CCDC80: variants seen among roughly 807,000 people sequenced by gnomAD.
CCDC80 encodes coiled-coil domain-containing protein 80.
Under a neutral mutation model 78.7 loss-of-function variants are expected in CCDC80, and 49 were observed. The ratio of observed to expected loss-of-function variants is 0.62; its 90% CI spans 0.50 to 0.79. The LOEUF (loss-of-function observed/expected upper bound fraction) is 0.79. Among genes scored for constraint, CCDC80 ranks in the 30% least tolerant of loss-of-function variants. The pLI is 0.00. For synonymous variants in CCDC80, 488 were observed against 447.0 expected (o/e 1.09, Z -1.16); for missense variants, 1,205 against 1,198.6 (o/e 1.01, Z -0.08).
intron 2 of CCDC80, among the ~76,000 whole-genome samples, chr3:112,633,378 A>T (rs1261202723): frequency 6.6e-6 from 1 of 152,128 alleles, no homozygotes; most frequent in Non-Finnish European, 1.5e-5. Flanking sequence ...CTTTTCTAGC[A>T]TGCAGGGATC....
Position 112,601,955 on chromosome 3 carries a change from C to T in CCDC80, c.*3462G>A, listed in dbSNP as rs1445495922. On this transcript the variant is annotated 3_prime_UTR_variant, in exon 8 of 8. Coordinates refer to ENST00000206423, the MANE Select transcript of CCDC80 (RefSeq NM_199511.3). Reference sequence around the variant, plus strand: ...AGGTCCATTAGCAAGTAAGTACAGGCACATCTTATTTTATTATACTTCTCA... The same window carrying T: ...AGGTCCATTAGCAAGTAAGTACAGGTACATCTTATTTTATTATACTTCTCA... 1 of 152,102 alleles carries T rather than the reference C, an allele frequency of 6.6e-6. No homozygotes were observed. Among genetic ancestry groups the T allele is most frequent in the African/African-American group, 2.4e-5 (1 of 41,398 alleles). 9.4% of individuals were successfully genotyped at this position (152,102 alleles called of 1,614,324 possible). A position where few individuals can be genotyped will look rare whatever the true frequency, so the allele number is the denominator to read the frequency against.
At chr3:112,612,277 C>T (rs1935647090) in intron 5 of CCDC80, among the ~76,000 whole-genome samples, 1 of 152,138 alleles carries the variant, frequency 6.6e-6, no homozygotes, top group Non-Finnish European at 1.5e-5. Context: ...AGCATCCAAA[C>T]CAGACTAGCC....
In CCDC80 at chr3:112,596,864, C is replaced by T. The variant is rs886196582; in HGVS notation, c.*8553G>A. On this transcript the variant is annotated 3_prime_UTR_variant, in exon 8 of 8. Coordinates refer to ENST00000206423, the MANE Select transcript of CCDC80 (RefSeq NM_199511.3). ...AAGAAAAAGAGAATACAGATGACAT[C>T]GGGGGTCCAAGAGACATTCCATATT... 4 of 151,936 alleles carry T rather than the reference C, an allele frequency of 2.6e-5. No individual in the cohort carries two copies. The highest frequency in any genetic ancestry group is 6.6e-5 in the Admixed American group (1 of 15,222). The allele number at this position is 151,936 out of a possible 1,614,324, so 9.4% of individuals were successfully genotyped here.
chr3:112,614,976 G>A (rs367877485), intron 5 of CCDC80, among the ~76,000 whole-genome samples: 4 of 152,310 alleles, frequency 2.6e-5, no homozygotes, highest in East Asian at 3.9e-4. Context: ...TGAAGGTGAC[G>A]TGCTTGGCAC....
In CCDC80 at chr3:112,601,864, C is replaced by T. The variant is rs1260529346; in HGVS notation, c.*3553G>A. 1 of 152,008 alleles carries T rather than the reference C, an allele frequency of 6.6e-6. No homozygotes were observed. Among genetic ancestry groups the T allele is most frequent in the Non-Finnish European group, 1.5e-5 (1 of 67,990 alleles). 9.4% of individuals were successfully genotyped at this position (152,008 alleles called of 1,614,324 possible). On this transcript the variant is annotated 3_prime_UTR_variant, in exon 8 of 8. Transcript: ENST00000206423. ...AACTTGGTAACCTTTGCCTTGAAAA[C>T]AAAAAGAATCCCTGGATATAATCTC... is the stretch of plus-strand genomic sequence containing the variant.
At chr3:112,636,700 GA>G (rs78709577) in intron 2 of CCDC80, among the ~76,000 whole-genome samples, 4,867 of 152,262 alleles carry the variant, frequency 0.032, 407 homozygotes, top group East Asian at 0.29. Flanking sequence ...AATGCCTTGA[GA>G]AAAGAGTGTC....
chr3:112,624,546 C>T (rs1935930657), intron 3 of CCDC80, among the ~76,000 whole-genome samples: 1 of 152,104 alleles, frequency 6.6e-6, no homozygotes, highest in African/African-American at 2.4e-5. Context: ...GCTTACTCCC[C>T]TTTTACTCTA....
intron 3 of CCDC80, among the ~76,000 whole-genome samples, chr3:112,622,027 G>A (rs1935879006): frequency 6.6e-6 from 1 of 152,166 alleles, no homozygotes; most frequent in Admixed American, 6.5e-5. Context: ...ACCCTGAGAG[G>A]AGGAGTGACT....
In CCDC80 at chr3:112,599,637, C is replaced by G. The variant is rs1935341025; in HGVS notation, c.*5780G>C. The stretch of plus-strand genomic sequence containing the variant: ...ACTGAGACACATTAAGAAGGGCCCA[C>G]TGAGGCCATCATTCACCCTACTCTC... On this transcript the variant is annotated 3_prime_UTR_variant, in exon 8 of 8. Transcript: ENST00000206423. 1 of 152,282 alleles carries G rather than the reference C, an allele frequency of 6.6e-6. No individual in the cohort carries two copies. The highest frequency in any genetic ancestry group is 1.5e-5 in the Non-Finnish European group (1 of 68,092). 9.4% of individuals were successfully genotyped at this position (152,282 alleles called of 1,614,324 possible).
rs1309097253 is a variant in CCDC80, at chr3:112,638,997, C to T, written c.909G>A (p.Arg303=). 1 of 1,611,298 alleles carries T rather than the reference C, an allele frequency of 6.2e-7. No homozygotes were observed. The highest frequency in any genetic ancestry group is 8.5e-7 in the Non-Finnish European group (1 of 1,180,004). Residue 303 remains arginine (R), a synonymous_variant, in exon 2 of 8, where the codon AGG becomes AGA. Transcript: ENST00000206423. ...EGNDGGGGAG[R]PSLGSEKKKE... The stretch of plus-strand genomic sequence containing the variant: ...TCTTCTTCTCGCTGCCCAGGCTTGG[C>T]CTTCCTGCTCCCCCTCCACCGTCAT...
chr3:112,604,817 G>A lies in CCDC80; in HGVS notation c.*600C>T, dbSNP rs953432610. On this transcript the variant is annotated 3_prime_UTR_variant, in exon 8 of 8. Transcript: ENST00000206423. ...ACTAAAAATAACAGAAGCAGGGCAG[G>A]AAGTGGCTATGATAACAAAGCTGGG... The A allele has an allele frequency of 1.3e-5, 2 of 152,308 alleles. No homozygotes were observed. Among genetic ancestry groups the A allele is most frequent in the Admixed American group, 1.3e-4 (2 of 15,296 alleles). 9.4% of individuals were successfully genotyped at this position (152,308 alleles called of 1,614,324 possible). A position where few individuals can be genotyped will look rare whatever the true frequency, so the allele number is the denominator to read the frequency against.
At chr3:112,628,952 C>T (rs1386814277) in intron 3 of CCDC80, among the ~76,000 whole-genome samples, 8 of 151,936 alleles carry the variant, frequency 5.3e-5, no homozygotes, top group Admixed American at 5.2e-4. Context: ...GTATTGTGCA[C>T]TTAAAAATGT....
In CCDC80 at chr3:112,603,441, G is replaced by C. The variant is rs1341496638; in HGVS notation, c.*1976C>G. The C allele has an allele frequency of 2.0e-5, 3 of 151,096 alleles. No homozygotes were observed. The highest frequency in any genetic ancestry group is 7.3e-5 in the African/African-American group (3 of 41,036). The allele number at this position is 151,096 out of a possible 1,614,324, so 9.4% of individuals were successfully genotyped here. A position where few individuals can be genotyped will look rare whatever the true frequency, so the allele number is the denominator to read the frequency against. ...GAGGCAGGAGAATCACTTGAACCCCGGAGGCAGAGGTTGCAGTGAGCCAAG... is the reference window on the plus strand; with the variant it reads ...GAGGCAGGAGAATCACTTGAACCCCCGAGGCAGAGGTTGCAGTGAGCCAAG... On this transcript the variant is annotated 3_prime_UTR_variant, in exon 8 of 8. Coordinates refer to ENST00000206423, the MANE Select transcript of CCDC80 (RefSeq NM_199511.3).
At chr3:112,632,209 G>A (rs2107492240) in intron 2 of CCDC80, among the ~76,000 whole-genome samples, 1 of 152,166 alleles carries the variant, frequency 6.6e-6, no homozygotes, top group East Asian at 1.9e-4. Context: ...TTTATTTTAA[G>A]TTGGTATATT....
Position 112,639,336 on chromosome 3 carries a change from G to A in CCDC80, c.570C>T (p.Phe190=), listed in dbSNP as rs1363266702. The A allele has an allele frequency of 6.2e-7, 1 of 1,614,052 alleles. No individual in the cohort carries two copies. Among genetic ancestry groups the A allele is most frequent in the Non-Finnish European group, 8.5e-7 (1 of 1,180,028 alleles). Residue 190 remains phenylalanine, a synonymous_variant, in exon 2 of 8, where the codon TTC becomes TTT. Transcript: ENST00000206423. Reference sequence around the variant, plus strand: ...TGCCTCCTTCCTCACCTGCCTGGTGGAAGAGCACAATCTGTTGGATGTGCC... The same window carrying A: ...TGCCTCCTTCCTCACCTGCCTGGTGAAAGAGCACAATCTGTTGGATGTGCC... ...AERHIQQIVL[F]HQAGEEGGKV...
chr3:112,618,659 C>T (rs1371654974), intron 4 of CCDC80, among the ~76,000 whole-genome samples: 3 of 152,174 alleles, frequency 2.0e-5, no homozygotes, highest in African/African-American at 7.2e-5. Context: ...CACCTTTTAT[C>T]TCCAGGACCT....
At chr3:112,624,734 A>G (rs562877957) in intron 3 of CCDC80, among the ~76,000 whole-genome samples, 1 of 152,296 alleles carries the variant, frequency 6.6e-6, no homozygotes, top group Middle Eastern at 3.4e-3. Context: ...TGACTCCATC[A>G]AATCTTAAAG....
intron 3 of CCDC80, among the ~76,000 whole-genome samples, chr3:112,625,466 A>G (rs1326566767): frequency 6.6e-6 from 1 of 152,196 alleles, no homozygotes; most frequent in Non-Finnish European, 1.5e-5. Flanking sequence ...ATATAGCTCT[A>G]TGTATGTGTG....
rs1936324764 is a variant in CCDC80, at chr3:112,640,808, A to G, written c.-493T>C. 6.6e-6 allele frequency: 1 copy of G among 152,226 alleles called. No individual in the cohort carries two copies. The highest frequency in any genetic ancestry group is 1.5e-5 in the Non-Finnish European group (1 of 68,066). The allele number at this position is 152,226 out of a possible 1,614,324, so 9.4% of individuals were successfully genotyped here. ...GCTTAGTCTCTTTGTTTCCGGGCGT[A>G]AAAGCACTGGGATTAATATGTTTTC... On this transcript the variant is annotated 5_prime_UTR_variant, in exon 1 of 8. Coordinates refer to ENST00000206423, the MANE Select transcript of CCDC80 (RefSeq NM_199511.3).
Sources: gnomAD v4.1 joint callset for allele counts (sites outside exome capture counted in the v4.1 genomes callset) on GRCh38, gnomAD v4.1.1 for gene constraint, MANE v1.5 for transcripts, NCBI Gene and HGNC (gene_info 2026-07-23, HGNC 2026-07-21) for gene names.